The following HACE1 variants were observed in gnomAD, a reference collection of about 807,000 sequenced individuals.
HACE1 encodes HECT domain and ankyrin repeat containing E3 ubiquitin protein ligase 1, also known as E3 ubiquitin-protein ligase HACE1.
In HACE1, 73 loss-of-function variants were observed where a neutral mutation model predicts 118.4. That is an observed-to-expected ratio of 0.62 (90% CI 0.51 to 0.75). The LOEUF (loss-of-function observed/expected upper bound fraction) is 0.75, where lower values mean the gene tolerates loss of function less well. Among genes scored for constraint, HACE1 ranks in the 30% least tolerant of loss-of-function variants. The pLI is 0.00. For synonymous variants in HACE1, 368 were observed against 374.8 expected, an observed-to-expected ratio of 0.98 and a Z score of 0.21; for missense variants, 749 against 1,102.2, an observed-to-expected ratio of 0.68 and a Z score of 4.54.
chr6:104,777,394 T>G (rs1195094662), intron 14 of HACE1, 77 bp from the exon 15 acceptor site: 11 of 865,456 alleles, frequency 1.3e-5, no homozygotes, highest in Non-Finnish European at 2.0e-5. Flanking sequence ...GCTTGCTAAA[T>G]GCCTTTTCTA....
At chr6:104,853,090 T>C (rs1225549428) in intron 1 of HACE1, among the ~76,000 whole-genome samples, 1 of 152,200 alleles carries the variant, frequency 6.6e-6, no homozygotes, top group Non-Finnish European at 1.5e-5. Context: ...AATTGAGCCA[T>C]GAGGGCTCCT....
At chr6:104,822,244 G>A (rs140546283) in intron 6 of HACE1, among the ~76,000 whole-genome samples, 142 of 150,510 alleles carry the variant, frequency 9.4e-4, no homozygotes, top group Non-Finnish European at 1.5e-3. Context: ...TTATCCAGGC[G>A]TGGTGGCAGG....
intron 5 of HACE1, among the ~76,000 whole-genome samples, chr6:104,838,814 A>T (rs1423568640): frequency 6.7e-6 from 1 of 148,744 alleles, no homozygotes; most frequent in Non-Finnish European, 1.5e-5. Context: ...ATAGAATGGG[A>T]GAAAATAACT....
chr6:104,756,411 C>CA (rs149270056), intron 19 of HACE1, among the ~76,000 whole-genome samples: 9,555 of 102,524 alleles, frequency 0.093, 331 homozygotes, highest in Middle Eastern at 0.12. Context: ...GATTCCATCT[C>CA]AAAAAAAAAA....
At chr6:104,791,717 T>A in intron 10 of HACE1, 63 bp from the exon 11 acceptor site, 1 of 1,085,878 alleles carries the variant, frequency 9.2e-7, no homozygotes, top group East Asian at 2.6e-5. Flanking sequence ...AATACTTATT[T>A]TAAAACATTT....
intron 19 of HACE1, among the ~76,000 whole-genome samples, chr6:104,766,142 T>G (rs1779987389): frequency 6.6e-6 from 1 of 152,206 alleles, no homozygotes; most frequent in Non-Finnish European, 1.5e-5. Context: ...CACATCGGCC[T>G]TGGCCCCACG....
rs1177876499 is a variant in HACE1, at chr6:104,811,242, T to TATA, written c.617+68_617+69insTAT. On this transcript the variant is annotated intron_variant, in intron 7 of 23. Transcript: ENST00000262903. ...TCTGGAAATATATATATTTCTTTAT[T>TATA]TATACATATATATATATATATATAT... is the stretch of plus-strand genomic sequence containing the variant. 1,060 of 192,410 alleles carry TATA rather than the reference T, an allele frequency of 5.5e-3. 22 individuals are homozygous for TATA. Among genetic ancestry groups the TATA allele is most frequent in the African/African-American group, 0.032 (843 of 26,654 alleles). The allele number at this position is 192,410 out of a possible 1,614,324, so 11.9% of individuals were successfully genotyped here. A position where few individuals can be genotyped will look rare whatever the true frequency, so the allele number is the denominator to read the frequency against.
chr6:104,786,346 A>C (rs1279312091), intron 11 of HACE1: 1 of 151,714 alleles, frequency 6.6e-6, no homozygotes, highest in Non-Finnish European at 1.5e-5. Context: ...ATCTCAAAAA[A>C]AAAAAAAAAA....
chr6:104,751,687 C>T (rs1210060970), intron 19 of HACE1, among the ~76,000 whole-genome samples: 1 of 151,684 alleles, frequency 6.6e-6, no homozygotes, highest in Admixed American at 6.6e-5. Flanking sequence ...TGGCTTAGAA[C>T]AAAATGAATT....
At chr6:104,852,199 C>CTG (rs543674376) in intron 2 of HACE1, 118 bp downstream of exon 2, 41,417 of 639,238 alleles carry the variant, frequency 0.065, 424 homozygotes, top group South Asian at 0.09. Flanking sequence ...TCCAAACTGT[C>CTG]TGTGTGTGTG....
intron 19 of HACE1, 89 bp from the exon 20 acceptor site, chr6:104,750,561 G>T (rs577314120): frequency 1.6e-6 from 2 of 1,237,970 alleles, no homozygotes; most frequent in African/African-American, 3.0e-5. Context: ...AAGAGGTAAA[G>T]GTTTAAAATA....
At chr6:104,812,124 A>G (rs1771689905) in intron 6 of HACE1, among the ~76,000 whole-genome samples, 1 of 152,156 alleles carries the variant, frequency 6.6e-6, no homozygotes. Flanking sequence ...AACCTTTAAA[A>G]AAAAAAACTT....
chr6:104,775,388 A>G (rs1156823850), intron 17 of HACE1, among the ~76,000 whole-genome samples: 1 of 145,524 alleles, frequency 6.9e-6, no homozygotes, highest in Non-Finnish European at 1.5e-5. Flanking sequence ...TGTCTCAAAG[A>G]AAAAAAAAAA....
intron 19 of HACE1, among the ~76,000 whole-genome samples, chr6:104,762,142 G>C (rs868195561): frequency 1.3e-5 from 2 of 152,162 alleles, no homozygotes; most frequent in Non-Finnish European, 2.9e-5. Flanking sequence ...ACAGTGTGGC[G>C]ATTCCTCAAG....
intron 19 of HACE1, among the ~76,000 whole-genome samples, chr6:104,754,316 T>C (rs554602381): frequency 5.9e-5 from 9 of 152,190 alleles, no homozygotes; most frequent in East Asian, 5.8e-4. Context: ...TGGAACCAAG[T>C]TGGAAAACAT....
At chr6:104,761,072 T>C (rs976736712) in intron 19 of HACE1, among the ~76,000 whole-genome samples, 6 of 152,156 alleles carry the variant, frequency 3.9e-5, no homozygotes, top group Non-Finnish European at 7.4e-5. Context: ...TGGAAAAACA[T>C]TCCATGCTTA....
chr6:104,834,745 A>AC (rs1177529176), intron 5 of HACE1, among the ~76,000 whole-genome samples: 1 of 152,036 alleles, frequency 6.6e-6, no homozygotes, highest in East Asian at 1.9e-4. Flanking sequence ...TATTAGAGAA[A>AC]CCCCCCAAAA....
chr6:104,749,895 T>C (rs1407900660), intron 20 of HACE1, among the ~76,000 whole-genome samples: 1 of 152,050 alleles, frequency 6.6e-6, no homozygotes, highest in Non-Finnish European at 1.5e-5. Context: ...TATAAAATTA[T>C]ATATATGGCA....
intron 5 of HACE1, among the ~76,000 whole-genome samples, chr6:104,842,960 A>C (rs902080827): frequency 5.3e-5 from 8 of 152,136 alleles, no homozygotes; most frequent in African/African-American, 1.9e-4. Context: ...AAAAACATAA[A>C]AATTATCTGG....
Sources: allele counts gnomAD v4.1 joint callset (sites outside exome capture counted in the v4.1 genomes callset), GRCh38; gene constraint gnomAD v4.1.1; transcripts MANE v1.5; gene names NCBI Gene and HGNC (gene_info 2026-07-23, HGNC 2026-07-21).